The following PTPN11 variants were observed in gnomAD, a reference collection of about 807,000 sequenced individuals.
PTPN11 encodes the protein protein tyrosine phosphatase non-receptor type 11, also known as tyrosine-protein phosphatase non-receptor type 11.
In PTPN11, 6 loss-of-function variants were observed where a neutral mutation model predicts 78.8. The ratio of observed to expected loss-of-function variants is 0.08; its 90% CI spans 0.04 to 0.15. The LOEUF (loss-of-function observed/expected upper bound fraction) is 0.15. Among genes scored for constraint, PTPN11 ranks in the 10% least tolerant of loss-of-function variants. The probability of loss-of-function intolerance (pLI) is 1.00; values close to 1 mark genes in which losing one functional copy is unlikely to be tolerated. For missense variants in PTPN11, 386 were observed against 744.8 expected, an observed-to-expected ratio of 0.52 and a Z score of 5.61; for synonymous variants, 221 against 263.5, an observed-to-expected ratio of 0.84 and a Z score of 1.56.
At chr12:112,485,253 C>CA (rs200421683) in intron 10 of PTPN11, among the ~76,000 whole-genome samples, 12 of 144,396 alleles carry the variant, frequency 8.3e-5, no homozygotes, top group African/African-American at 1.3e-4. Flanking sequence ...GACTCTGTCT[C>CA]AAAAAAAAAA....
intron 6 of PTPN11, among the ~76,000 whole-genome samples, chr12:112,472,731 C>T (rs1394687558): frequency 6.6e-6 from 1 of 152,018 alleles, no homozygotes; most frequent in Admixed American, 6.6e-5. Context: ...GAACTCCTGC[C>T]CTGAAGTGAT....
At chr12:112,432,400 T>C (rs2037726476) in intron 1 of PTPN11, among the ~76,000 whole-genome samples, 1 of 152,136 alleles carries the variant, frequency 6.6e-6, no homozygotes, top group African/African-American at 2.4e-5. Context: ...GTGCAGTGGC[T>C]CTCACCTGCA....
intron 11 of PTPN11, among the ~76,000 whole-genome samples, chr12:112,487,280 A>G (rs971174554): frequency 3.3e-5 from 5 of 151,964 alleles, no homozygotes; most frequent in Admixed American, 2.0e-4. Flanking sequence ...GATTACAGGC[A>G]TCTGACACTA....
intron 9 of PTPN11, among the ~76,000 whole-genome samples, chr12:112,479,953 A>G (rs2038569532): frequency 6.6e-6 from 1 of 152,182 alleles, no homozygotes; most frequent in South Asian, 2.1e-4. Flanking sequence ...CCTTTCTGAC[A>G]TCCTACTTTC....
At chr12:112,476,631 T>A (rs2038508339) in intron 7 of PTPN11, among the ~76,000 whole-genome samples, 1 of 152,056 alleles carries the variant, frequency 6.6e-6, no homozygotes, top group South Asian at 2.1e-4. Context: ...TAGCCAGATG[T>A]GGTGGCACGC....
intron 4 of PTPN11, among the ~76,000 whole-genome samples, 171 bp downstream of exon 4, chr12:112,453,558 C>T (rs2038109039): frequency 6.6e-6 from 1 of 150,574 alleles, no homozygotes; most frequent in African/African-American, 2.4e-5. Flanking sequence ...GATGGGGTTT[C>T]ACCACGTTGG....
intron 2 of PTPN11, among the ~76,000 whole-genome samples, chr12:112,447,647 A>C (rs1216202854): frequency 6.6e-6 from 1 of 150,664 alleles, no homozygotes; most frequent in Non-Finnish European, 1.5e-5. Context: ...TTACAGGTGC[A>C]TGCCACCATG....
intron 11 of PTPN11, among the ~76,000 whole-genome samples, chr12:112,487,123 CTCTCT>C (rs2038690094): frequency 6.6e-6 from 1 of 151,102 alleles, no homozygotes; most frequent in African/African-American, 2.4e-5. Context: ...TGTTCTCTCT[CTCTCT>C]CTCTCTTTTT....
intron 13 of PTPN11, among the ~76,000 whole-genome samples, chr12:112,490,166 A>G (rs747531498): frequency 2.0e-5 from 3 of 152,182 alleles, no homozygotes; most frequent in Non-Finnish European, 4.4e-5. Context: ...CGGTTACTTT[A>G]TTTTATATCT....
chr12:112,427,735 TTTTTTA>T (rs986942766), intron 1 of PTPN11, among the ~76,000 whole-genome samples: 2 of 151,600 alleles, frequency 1.3e-5, no homozygotes, highest in African/African-American at 4.8e-5. Context: ...CCCTCAGTGT[TTTTTTA>T]TTTTTATTTT....
At chr12:112,488,627 C>G in intron 12 of PTPN11, 117 bp downstream of exon 12, 1 of 1,100,598 alleles carries the variant, frequency 9.1e-7, no homozygotes, top group Non-Finnish European at 1.4e-6. Context: ...TCACAAAAAT[C>G]TGGGCTGAAG....
At chr12:112,450,552 T>A (rs769864470) in intron 3 of PTPN11, 40 bp downstream of exon 3, 1 of 1,581,874 alleles carries the variant, frequency 6.3e-7, no homozygotes, top group Non-Finnish European at 8.7e-7. Flanking sequence ...TGCTGCTCCC[T>A]TGTGCCCTGA....
intron 13 of PTPN11, among the ~76,000 whole-genome samples, chr12:112,498,933 G>A (rs917674214): frequency 6.6e-6 from 1 of 152,198 alleles, no homozygotes; most frequent in Non-Finnish European, 1.5e-5. Context: ...AGTCATTGAA[G>A]TAATTCCTGT....
chr12:112,478,122 A>G, intron 9 of PTPN11, 107 bp downstream of exon 9: 2 of 1,305,288 alleles, frequency 1.5e-6, no homozygotes, highest in Non-Finnish European at 2.2e-6. Context: ...ACTGTAACTG[A>G]TTCTCTGGAA....
intron 13 of PTPN11, among the ~76,000 whole-genome samples, chr12:112,500,973 TAGCTTACTGC>T (rs2135927828): frequency 6.6e-6 from 1 of 152,240 alleles, no homozygotes; most frequent in East Asian, 1.9e-4. Context: ...GGTGCGATCA[TAGCTTACTGC>T]AGCCTTGAAT....
At chr12:112,431,164 G>A (rs1187264487) in intron 1 of PTPN11, among the ~76,000 whole-genome samples, 1 of 152,208 alleles carries the variant, frequency 6.6e-6, no homozygotes, top group African/African-American at 2.4e-5. Flanking sequence ...GAGCAGTGAT[G>A]GGGCTTACCC....
intron 9 of PTPN11, among the ~76,000 whole-genome samples, chr12:112,479,599 A>G (rs2038562652): frequency 1.3e-5 from 2 of 152,070 alleles, no homozygotes; most frequent in Non-Finnish European, 2.9e-5. Context: ...TAATGGACCA[A>G]TGAAAACATC....
At chr12:112,424,847 A>C (rs1312940753) in intron 1 of PTPN11, among the ~76,000 whole-genome samples, 4 of 150,518 alleles carry the variant, frequency 2.7e-5, no homozygotes, top group East Asian at 2.0e-4. Flanking sequence ...CTGCAGGCAC[A>C]CGCCACCATG....
At chr12:112,485,340 C>T (rs2038658806) in intron 10 of PTPN11, among the ~76,000 whole-genome samples, 1 of 152,146 alleles carries the variant, frequency 6.6e-6, no homozygotes, top group Non-Finnish European at 1.5e-5. Context: ...ATTACGTCAT[C>T]TGGATAGACC....
Sources: gnomAD v4.1 joint callset for allele counts (sites outside exome capture counted in the v4.1 genomes callset) on GRCh38, gnomAD v4.1.1 for gene constraint, MANE v1.5 for transcripts, NCBI Gene and HGNC (gene_info 2026-07-23, HGNC 2026-07-21) for gene names.